MAN2A1: variants seen among roughly 807,000 people sequenced by gnomAD.
The protein encoded by MAN2A1 is mannosidase alpha class 2A member 1.
Under a neutral mutation model 142.6 loss-of-function variants are expected in MAN2A1, and 76 were observed. The ratio of observed to expected loss-of-function variants is 0.53; its 90% confidence interval spans 0.44 to 0.65. The LOEUF (loss-of-function observed/expected upper bound fraction) is 0.65, where lower values mean the gene tolerates loss of function less well. MAN2A1 is among the 30% of genes least tolerant of loss of function. The pLI, the probability that MAN2A1 is intolerant of heterozygous loss-of-function variation, is 0.00. For synonymous variants in MAN2A1, 559 were observed against 473.2 expected (o/e 1.18, Z -2.35); for missense variants, 1,311 against 1,365.1 (o/e 0.96, Z 0.62).
At chr5:109,849,030 G>A (rs933344414) in intron 19 of MAN2A1, among the ~76,000 whole-genome samples, 1 of 152,148 alleles carries the variant, frequency 6.6e-6, no homozygotes, top group African/African-American at 2.4e-5. Context: ...AGCAGTATTT[G>A]GCACTGGCCA....
chr5:109,807,814 T>C (rs1013965281), intron 12 of MAN2A1, among the ~76,000 whole-genome samples: 2 of 152,208 alleles, frequency 1.3e-5, no homozygotes, highest in Admixed American at 6.5e-5. Context: ...TACCTGGAAA[T>C]CTGATTTTTA....
At chr5:109,718,506 C>G (rs1306823877) in intron 3 of MAN2A1, among the ~76,000 whole-genome samples, 1 of 152,186 alleles carries the variant, frequency 6.6e-6, no homozygotes, top group Non-Finnish European at 1.5e-5. Context: ...ACTTTCCTGA[C>G]AATTTACCTG....
chr5:109,818,263 C>T (rs551596237), intron 13 of MAN2A1, among the ~76,000 whole-genome samples: 3 of 152,218 alleles, frequency 2.0e-5, no homozygotes, highest in Non-Finnish European at 4.4e-5. Flanking sequence ...GCCTCAGCCT[C>T]CTGTAACTGG....
intron 16 of MAN2A1, among the ~76,000 whole-genome samples, chr5:109,830,507 G>T (rs1754879819): frequency 6.6e-6 from 1 of 152,114 alleles, no homozygotes; most frequent in Non-Finnish European, 1.5e-5. Context: ...CCTGAATCTG[G>T]GGCTTCCATC....
chr5:109,771,006 T>G (rs965190037), intron 7 of MAN2A1, among the ~76,000 whole-genome samples: 1 of 152,206 alleles, frequency 6.6e-6, no homozygotes, highest in African/African-American at 2.4e-5. Flanking sequence ...CCAGCTCTGG[T>G]GTATACACAT....
At position 109,690,429 on chromosome 5, in the gene MAN2A1, C is replaced by G; in HGVS notation, c.12C>G (p.Ser4Arg). 6.2e-7 allele frequency: 1 copy of G among 1,614,096 alleles called. No individual in the cohort carries two copies. The highest frequency in any genetic ancestry group is 8.5e-7 in the Non-Finnish European group (1 of 1,179,936). The change falls in exon 1 of 22, where the codon AGC becomes AGG. Residue 4 changes from serine to arginine, a missense_variant. Transcript: ENST00000261483. MKL[S>R]RQFTVFGSAI... The stretch of plus-strand genomic sequence containing the variant: ...GTCTATCGAGGAAAATGAAGTTAAG[C>G]CGCCAGTTCACCGTGTTCGGCAGTG...
intron 5 of MAN2A1, among the ~76,000 whole-genome samples, chr5:109,764,083 G>T (rs866783949): frequency 6.6e-6 from 1 of 152,116 alleles, no homozygotes. Flanking sequence ...TTACAGGCAT[G>T]AGCCACCGTG....
intron 1 of MAN2A1, among the ~76,000 whole-genome samples, chr5:109,702,355 G>C (rs922244567): frequency 1.1e-4 from 16 of 149,530 alleles, no homozygotes; most frequent in Non-Finnish European, 1.8e-4. Context: ...GTGTGTGTCT[G>C]TGTGTGTAGG....
intron 16 of MAN2A1, among the ~76,000 whole-genome samples, chr5:109,832,352 TGA>T (rs1474405369): frequency 6.6e-6 from 1 of 151,864 alleles, no homozygotes; most frequent in African/African-American, 2.4e-5. Context: ...CCTGGGTACT[TGA>T]GATTAGGGAG....
intron 12 of MAN2A1, among the ~76,000 whole-genome samples, chr5:109,807,921 AC>A (rs1369644762): frequency 6.6e-6 from 1 of 152,004 alleles, no homozygotes. Context: ...TTGAGCCTTC[AC>A]CCCTTAAGTT....
intron 20 of MAN2A1, among the ~76,000 whole-genome samples, chr5:109,861,524 TTGTC>T (rs987592422): frequency 3.3e-5 from 5 of 152,216 alleles, no homozygotes; most frequent in Admixed American, 2.6e-4. Flanking sequence ...ATATCTAAAA[TTGTC>T]TGTTTGCCAG....
intron 1 of MAN2A1, among the ~76,000 whole-genome samples, chr5:109,691,076 C>G (rs1239179502): frequency 6.6e-6 from 1 of 152,166 alleles, no homozygotes; most frequent in African/African-American, 2.4e-5. Flanking sequence ...TGTTGCGGCC[C>G]TTTTAGATGT....
intron 12 of MAN2A1, chr5:109,804,301 G>A: frequency 1.0e-6 from 1 of 985,474 alleles, no homozygotes; most frequent in African/African-American, 1.7e-5. Context: ...TTTAAATAGA[G>A]CCTTTGGACT....
intron 12 of MAN2A1, among the ~76,000 whole-genome samples, chr5:109,790,462 C>T (rs1175436135): frequency 1.3e-5 from 2 of 151,646 alleles, no homozygotes; most frequent in South Asian, 2.1e-4. Context: ...TTCCTTAGAA[C>T]GAGATAATAA....
intron 8 of MAN2A1, among the ~76,000 whole-genome samples, chr5:109,781,132 A>G (rs1235558806): frequency 6.6e-6 from 1 of 152,108 alleles, no homozygotes; most frequent in Non-Finnish European, 1.5e-5. Flanking sequence ...TTTCATATTC[A>G]CTGATTTGTA....
At chr5:109,774,212 G>A (rs572277149) in intron 7 of MAN2A1, among the ~76,000 whole-genome samples, 73 of 152,134 alleles carry the variant, frequency 4.8e-4, no homozygotes, top group Non-Finnish European at 9.3e-4. Flanking sequence ...CAGGTGACAA[G>A]TGTGTGGATT....
intron 20 of MAN2A1, chr5:109,864,171 G>C (rs936513435): frequency 1.5e-4 from 23 of 152,320 alleles, no homozygotes; most frequent in Non-Finnish European, 2.8e-4. Flanking sequence ...TCAGTGCTGA[G>C]CAGCACATGA....
chr5:109,869,095 T>G lies in MAN2A1; in HGVS notation c.*2097T>G, dbSNP rs184710223. On this transcript the variant is annotated 3_prime_UTR_variant, in exon 22 of 22. Coordinates refer to ENST00000261483, the MANE Select transcript of MAN2A1 (RefSeq NM_002372.4). ...CTCTTTAACCAGCAAGTTTCTGCTTTTTAAGGTTACTTTTAGAATAAATCA... is the reference window on the plus strand; with the variant it reads ...CTCTTTAACCAGCAAGTTTCTGCTTGTTAAGGTTACTTTTAGAATAAATCA... The G allele has an allele frequency of 2.0e-5, 3 of 152,336 alleles. No homozygotes were observed. The highest frequency in any genetic ancestry group is 4.4e-5 in the Non-Finnish European group (3 of 68,026). 9.4% of individuals were successfully genotyped at this position (152,336 alleles called of 1,614,324 possible).
intron 1 of MAN2A1, among the ~76,000 whole-genome samples, chr5:109,709,536 AC>A (rs1184432640): frequency 6.6e-6 from 1 of 152,216 alleles, no homozygotes; most frequent in Non-Finnish European, 1.5e-5. Flanking sequence ...TGAGGCCAAT[AC>A]CAGCGGGTAG....
Sources: allele counts gnomAD v4.1 joint callset (sites outside exome capture counted in the v4.1 genomes callset), GRCh38; gene constraint gnomAD v4.1.1; transcripts MANE v1.5; gene names NCBI Gene and HGNC (gene_info 2026-07-23, HGNC 2026-07-21).